Variants in PWWP2A observed in about 807,000 individuals in gnomAD.
The protein encoded by PWWP2A is PWWP domain-containing protein 2A.
PWWP2A carries 18 observed loss-of-function variants against 48.5 expected under a neutral mutation model. That is an observed-to-expected ratio of 0.37 (90% confidence interval 0.26 to 0.55). PWWP2A has a LOEUF of 0.55. Ranked by LOEUF, PWWP2A falls within the 20% of genes least tolerant of loss-of-function variation. The pLI is 0.81. For missense variants in PWWP2A, 867 were observed against 976.4 expected (o/e 0.89, Z 1.49); for synonymous variants, 396 against 387.7 (o/e 1.02, Z -0.25).
chr5:160,096,060 C>T (rs1755616984), intron 1 of PWWP2A, among the ~76,000 whole-genome samples: 1 of 152,146 alleles, frequency 6.6e-6, no homozygotes, highest in Admixed American at 6.6e-5. Flanking sequence ...TAGGTACTAA[C>T]AGCTGTGGAC....
chr5:160,084,928 A>C (rs950753158), intron 2 of PWWP2A, among the ~76,000 whole-genome samples: 1 of 152,170 alleles, frequency 6.6e-6, no homozygotes, highest in East Asian at 1.9e-4. Context: ...TTTTAAGTGA[A>C]TCTAAATGAG....
chr5:160,100,233 G>A (rs1343953480), intron 1 of PWWP2A, among the ~76,000 whole-genome samples: 2 of 152,014 alleles, frequency 1.3e-5, no homozygotes, highest in African/African-American at 4.8e-5. Context: ...CCTGGGAGAC[G>A]GTGGCTGCAG....
chr5:160,045,958 C>G, the PWWP2A span, among the ~76,000 whole-genome samples: 2 of 151,948 alleles, frequency 1.3e-5, no homozygotes, highest in African/African-American at 4.8e-5. Flanking sequence ...GGCCAGGCTG[C>G]TCTCGAACTC....
downstream of PWWP2A, among the ~76,000 whole-genome samples, chr5:160,087,149 C>T (rs1259538314): frequency 2.6e-5 from 4 of 152,074 alleles, 1 homozygote; most frequent in East Asian, 1.9e-4. Context: ...GGGGCCAAGA[C>T]GAGAGGATCA....
At position 160,118,959 on chromosome 5, in the gene PWWP2A, C is replaced by G. The variant is rs769997315; in HGVS notation, c.430G>C (p.Val144Leu). Residue 144 changes from valine to leucine, a missense_variant, in exon 1 of 2, where the codon GTG (valine) becomes CTG (leucine). Val to Leu is a conservative substitution (Grantham distance 32). Coordinates refer to ENST00000307063, the MANE Select transcript of PWWP2A (RefSeq NM_001130864.2). ...PLPQPVAPAL[V>L]PPAGGDSTVS... ...GTGGAGTCCCCGCCCGCCGGCGGCA[C>G]GAGCGCCGGGGCTACGGGCTGAGGC... The G allele has an allele frequency of 1.3e-6, 2 of 1,598,440 alleles. No individual in the cohort carries two copies. Among genetic ancestry groups the G allele is most frequent in the Non-Finnish European group, 1.7e-6 (2 of 1,174,164 alleles).
the PWWP2A span, chr5:160,049,546 A>C: frequency 5.6e-6 from 9 of 1,600,308 alleles, no homozygotes; most frequent in South Asian, 1.0e-4. Context: ...TATCAGGGCA[A>C]TATTGAGGAG....
chr5:160,096,259 G>A (rs762476548), intron 1 of PWWP2A, among the ~76,000 whole-genome samples: 4 of 151,834 alleles, frequency 2.6e-5, no homozygotes, highest in Admixed American at 6.6e-5. Context: ...ATTAGGTCTC[G>A]GATAGTCCAA....
In PWWP2A at chr5:160,119,275, G is replaced by A; in HGVS notation, c.114C>T (p.Asp38=). The A allele has an allele frequency of 7.1e-7, 1 of 1,400,034 alleles. No homozygotes were observed. Among genetic ancestry groups the A allele is most frequent in the Non-Finnish European group, 9.2e-7 (1 of 1,086,980 alleles). 86.7% of individuals were successfully genotyped at this position (1,400,034 alleles called of 1,614,324 possible). The change falls in exon 1 of 2, where the codon GAC becomes GAT. Residue 38 remains aspartate (D), a synonymous_variant. Coordinates refer to ENST00000307063, the MANE Select transcript of PWWP2A (RefSeq NM_001130864.2). The stretch of plus-strand genomic sequence containing the variant: ...CTTCAGTGGCCGTGACCGGGAGGGG[G>A]TCAGTGCCGGCCTCACTGCCGGGGA... ...EPIPGSEAGT[D]PLPVTATEAS... is the part of the protein sequence containing the mutation.
chr5:160,105,454 C>T lies in PWWP2A; in HGVS notation c.585-11389G>A, dbSNP rs188052197. On this transcript the variant is annotated intron_variant, in intron 1 of 1. Transcript: ENST00000307063. ...TCGGGAGGCTGAGGCAGGAGAATCG[C>T]CTGAACCTGGGAGGCAGAGGTTGCA... 9.9e-5 allele frequency among the ~76,000 whole-genome samples: 15 copies of T among 151,594 alleles called. No homozygotes were observed. The East Asian group carries it at 2.7e-3, about 27-fold the overall frequency.
At chr5:160,069,966 T>C (rs1753703807) in intron 2 of PWWP2A, among the ~76,000 whole-genome samples, 1 of 152,222 alleles carries the variant, frequency 6.6e-6, no homozygotes. Flanking sequence ...CCACACTGTA[T>C]CGTAACTACT....
intron 5 of PWWP2A, among the ~76,000 whole-genome samples, chr5:160,063,050 G>A (rs1753476841): frequency 1.3e-5 from 2 of 152,196 alleles, no homozygotes; most frequent in South Asian, 4.1e-4. Context: ...CCCAGGTTTA[G>A]GTTTGGGAGG....
At chr5:160,064,908 T>G in intron 4 of PWWP2A, 1 of 1,603,362 alleles carries the variant, frequency 6.2e-7, no homozygotes, top group South Asian at 1.1e-5. Flanking sequence ...TGTATTCATT[T>G]GAGTTTTTGC....
At chr5:160,116,556 A>T (rs1758163613) in intron 1 of PWWP2A, 2 of 405,780 alleles carry the variant, frequency 4.9e-6, no homozygotes, top group South Asian at 2.1e-4. Flanking sequence ...CTCCAACAAA[A>T]GAAATTGCTG....
chr5:160,111,947 C>A (rs559124533), intron 1 of PWWP2A, among the ~76,000 whole-genome samples: 5 of 151,706 alleles, frequency 3.3e-5, no homozygotes, highest in Admixed American at 3.3e-4. Context: ...GGCAACAAAG[C>A]GAAACCCTGT....
intron 1 of PWWP2A, among the ~76,000 whole-genome samples, chr5:160,099,678 A>ATT (rs747258403): frequency 3.6e-5 from 5 of 140,414 alleles, no homozygotes; most frequent in Non-Finnish European, 4.7e-5. Context: ...CAAAAAAAAA[A>ATT]TTTTTTTTTT....
chr5:160,111,426 C>T (rs1757558929), intron 1 of PWWP2A, among the ~76,000 whole-genome samples: 2 of 152,148 alleles, frequency 1.3e-5, no homozygotes, highest in South Asian at 4.1e-4. Context: ...CCTCGGCCTC[C>T]CAAAGTGCTG....
downstream of PWWP2A, chr5:160,090,895 G>T: frequency 1.0e-6 from 1 of 984,508 alleles, no homozygotes; most frequent in Non-Finnish European, 1.2e-6. Flanking sequence ...AGCTAAAAAT[G>T]GAAAATAAGA....
At chr5:160,091,303 A>AT, downstream of PWWP2A, 1 of 977,964 alleles carries the variant, frequency 1.0e-6, no homozygotes, top group South Asian at 4.7e-5. Context: ...CCATCTTGAA[A>AT]TTTTTCAAAG....
downstream of PWWP2A, among the ~76,000 whole-genome samples, chr5:160,071,657 G>C (rs557872349): frequency 1.3e-5 from 2 of 152,132 alleles, no homozygotes; most frequent in African/African-American, 4.8e-5. Flanking sequence ...GCCCTCATCC[G>C]TTTCCTCTGC....
Sources: gnomAD v4.1 joint callset for allele counts (sites outside exome capture counted in the v4.1 genomes callset) on GRCh38, gnomAD v4.1.1 for gene constraint, MANE v1.5 for transcripts, NCBI Gene and HGNC (gene_info 2026-07-23, HGNC 2026-07-21) for gene names.